Variants in PLD5 observed in about 807,000 individuals in gnomAD.
PLD5 encodes inactive phospholipase D5.
A neutral mutation model predicts 61.1 loss-of-function variants in PLD5; 36 were observed. That is an observed-to-expected ratio of 0.59 (90% CI 0.45 to 0.78). The LOEUF (loss-of-function observed/expected upper bound fraction) is 0.78. Among genes scored for constraint, PLD5 ranks in the 30% least tolerant of loss-of-function variants. The pLI, the probability that PLD5 is intolerant of heterozygous loss-of-function variation, is 0.00. For synonymous variants in PLD5, 243 were observed against 242.8 expected (o/e 1.00, Z -0.01); for missense variants, 515 against 644.4 (o/e 0.80, Z 2.17).
At chr1:242,247,133 G>A (rs1187781205) in intron 4 of PLD5, among the ~76,000 whole-genome samples, 14 of 151,950 alleles carry the variant, frequency 9.2e-5, no homozygotes, top group Middle Eastern at 3.2e-3. Context: ...ACAGGCGCCC[G>A]CCACCATGCC....
intron 1 of PLD5, among the ~76,000 whole-genome samples, chr1:242,435,192 C>T (rs1388948798): frequency 6.6e-6 from 1 of 150,770 alleles, no homozygotes; most frequent in Non-Finnish European, 1.5e-5. Flanking sequence ...ACCTACTTGC[C>T]AAAATTTTTT....
intron 1 of PLD5, among the ~76,000 whole-genome samples, chr1:242,522,244 T>TC (rs1188260428): frequency 3.1e-4 from 47 of 152,326 alleles, no homozygotes; most frequent in African/African-American, 1.1e-3. Context: ...TGCAATGCTC[T>TC]CTTTTGGAGT....
chr1:242,122,670 TC>T (rs1427103353), intron 6 of PLD5, among the ~76,000 whole-genome samples: 2 of 152,232 alleles, frequency 1.3e-5, no homozygotes, highest in Admixed American at 6.5e-5. Context: ...TACTTGCTAC[TC>T]CATTCTTGAC....
rs535911109 is a variant in PLD5, at chr1:242,128,036, G to A, written c.736-3371C>T. Among the ~76,000 whole-genome samples the A allele has an allele frequency of 2.0e-5, 3 of 152,270 alleles. No individual in the cohort carries two copies. In the South Asian group the frequency reaches 6.2e-4, roughly 32 times the overall value. On this transcript the variant is annotated intron_variant, in intron 5 of 9. Coordinates refer to ENST00000536534, the MANE Select transcript of PLD5 (RefSeq NM_001372062.1). The stretch of plus-strand genomic sequence containing the variant: ...TCACACGTGGCAAACACTAATGCTT[G>A]GAAAACTGCTCAAAGCTTGCATGAG...
At chr1:242,513,950 T>C (rs1346287725) in intron 1 of PLD5, among the ~76,000 whole-genome samples, 1 of 152,206 alleles carries the variant, frequency 6.6e-6, no homozygotes, top group Non-Finnish European at 1.5e-5. Context: ...GCCTCATTAG[T>C]TTTCTACTTC....
chr1:242,297,658 A>C (rs61847177), intron 2 of PLD5, among the ~76,000 whole-genome samples: 2 of 126,122 alleles, frequency 1.6e-5, no homozygotes, highest in Non-Finnish European at 3.2e-5. Context: ...TTTGAGATGG[A>C]GTCTCGCTCT....
intron 2 of PLD5, among the ~76,000 whole-genome samples, chr1:242,319,423 G>T (rs987127962): frequency 5.3e-5 from 8 of 151,094 alleles, no homozygotes; most frequent in Admixed American, 3.3e-4. Flanking sequence ...ACAAATGATT[G>T]TGTGTGTATA....
At chr1:242,436,261 T>C (rs1665992214) in intron 1 of PLD5, among the ~76,000 whole-genome samples, 1 of 152,190 alleles carries the variant, frequency 6.6e-6, no homozygotes, top group East Asian at 1.9e-4. Context: ...GTAGGTCTTA[T>C]TTTTCATCCT....
chr1:242,396,664 T>C (rs983954609), intron 1 of PLD5, among the ~76,000 whole-genome samples: 33 of 118,370 alleles, frequency 2.8e-4, no homozygotes, highest in African/African-American at 1.0e-3. Context: ...TCTTTCTTTC[T>C]TTTCTTTTCT....
intron 1 of PLD5, among the ~76,000 whole-genome samples, chr1:242,374,327 C>T (rs980569281): frequency 3.3e-5 from 5 of 152,170 alleles, no homozygotes; most frequent in African/African-American, 7.2e-5. Flanking sequence ...TTCCTCTTTC[C>T]TGGGAGAAAT....
chr1:242,364,424 G>T (rs555802554), intron 1 of PLD5, among the ~76,000 whole-genome samples: 1 of 152,282 alleles, frequency 6.6e-6, no homozygotes, highest in South Asian at 2.1e-4. Flanking sequence ...CAAGTTAAAA[G>T]AATTTTAGAA....
Position 242,224,974 on chromosome 1 carries a change from A to C in PLD5, c.608-4859T>G, listed in dbSNP as rs558285620. ...CTTCTTTTGCAGTATCTTCCTCTTC[A>C]AACCCCAGCCCTTGGCAACTACGCA... On this transcript the variant is annotated intron_variant, in intron 4 of 9. Coordinates refer to ENST00000536534, the MANE Select transcript of PLD5 (RefSeq NM_001372062.1). Among the ~76,000 whole-genome samples, 76 of 152,310 alleles carry C rather than the reference A, an allele frequency of 5.0e-4. No homozygotes were observed. In the South Asian group the frequency reaches 0.015, roughly 29 times the overall value.
rs1675742477 is a variant in PLD5, at chr1:242,297,412, T to A, written c.327-8882A>T. ...CTATCACCCTTCAAGACTTTTTTTT[T>A]TTTTTTTTTTTTAAGGCAGGGTCTT... On this transcript the variant is annotated intron_variant, in intron 2 of 9. Transcript: ENST00000536534. Among the ~76,000 whole-genome samples, 3 of 149,978 alleles carry A rather than the reference T, an allele frequency of 2.0e-5. No individual in the cohort carries two copies. In the Middle Eastern group the frequency reaches 0.01, roughly 517 times the overall value.
intron 1 of PLD5, among the ~76,000 whole-genome samples, chr1:242,507,858 C>T (rs112606111): frequency 1.7e-4 from 26 of 152,210 alleles, no homozygotes; most frequent in African/African-American, 4.3e-4. Flanking sequence ...AGAATAGGTG[C>T]GAGGCTAGAT....
intron 2 of PLD5, among the ~76,000 whole-genome samples, chr1:242,346,897 A>G (rs549861191): frequency 4.9e-4 from 75 of 152,294 alleles, no homozygotes; most frequent in African/African-American, 1.7e-3. Context: ...ATAAGTCAGA[A>G]CATGCAGTAT....
intron 5 of PLD5, among the ~76,000 whole-genome samples, chr1:242,186,486 G>C (rs7553304): frequency 0.025 from 3,796 of 152,158 alleles, 179 homozygotes; most frequent in African/African-American, 0.087. Flanking sequence ...CCTGGCCTGG[G>C]CTGTAAGGAA....
intron 3 of PLD5, among the ~76,000 whole-genome samples, chr1:242,272,027 G>GA (rs1262554410): frequency 6.6e-6 from 1 of 151,926 alleles, no homozygotes; most frequent in Non-Finnish European, 1.5e-5. Context: ...GCAGTATTAA[G>GA]AAAAAAATAT....
intron 1 of PLD5, among the ~76,000 whole-genome samples, chr1:242,426,442 A>G (rs967224370): frequency 6.6e-6 from 1 of 152,246 alleles, no homozygotes; most frequent in African/African-American, 2.4e-5. Flanking sequence ...CCTGCATGTC[A>G]GGGCATGGGC....
chr1:242,334,534 C>T (rs1024326089), intron 2 of PLD5, among the ~76,000 whole-genome samples: 5 of 152,164 alleles, frequency 3.3e-5, no homozygotes, highest in Non-Finnish European at 5.9e-5. Context: ...TAGCAGACAT[C>T]GTGGCATCCC....
Sources: gnomAD v4.1 joint callset for allele counts (sites outside exome capture counted in the v4.1 genomes callset) on GRCh38, gnomAD v4.1.1 for gene constraint, MANE v1.5 for transcripts, NCBI Gene and HGNC (gene_info 2026-07-23, HGNC 2026-07-21) for gene names.